Variants in OCA2 observed in about 807,000 individuals in gnomAD.
The protein encoded by OCA2 is OCA2 melanosomal transmembrane protein.
In OCA2, 77 loss-of-function variants were observed where a neutral mutation model predicts 100.2. The ratio of observed to expected loss-of-function variants is 0.77; its 90% confidence interval spans 0.64 to 0.93. The LOEUF (loss-of-function observed/expected upper bound fraction) is 0.93. Among genes scored for constraint, OCA2 ranks in the 40% least tolerant of loss-of-function variants. OCA2 has a pLI of 0.00. For synonymous variants in OCA2, 432 were observed against 439.2 expected, an observed-to-expected ratio of 0.98 and a Z score of 0.21; for missense variants, 1,062 against 1,089.1, an observed-to-expected ratio of 0.98 and a Z score of 0.35.
In OCA2 at chr15:27,844,988, T is replaced by A. The variant is rs1170388631; in HGVS notation, c.2403A>T (p.Gly801=). Reference sequence around the variant, plus strand: ...AAAATTCCATGAAGGAGAACCCATATCCATGCTGTTCTGCAATCCCTGCAC... The same window carrying A: ...AAAATTCCATGAAGGAGAACCCATAACCATGCTGTTCTGCAATCCCTGCAC... ...VVCAGIAEQH[G]YGFSFMEFFR... Residue 801 remains glycine, a synonymous_variant, in exon 23 of 24, where the codon GGA becomes GGT. Transcript: ENST00000354638. The A allele has an allele frequency of 6.2e-7, 1 of 1,613,502 alleles. No individual in the cohort carries two copies. Among genetic ancestry groups the A allele is most frequent in the Admixed American group, 1.7e-5 (1 of 60,026 alleles).
chr15:27,771,011 T>TCC (rs2031789621), intron 23 of OCA2, among the ~76,000 whole-genome samples: 34 of 72,734 alleles, frequency 4.7e-4, no homozygotes, highest in Non-Finnish European at 9.2e-4. Flanking sequence ...TTCCTTCCCT[T>TCC]CTTTTCTTCT....
chr15:28,098,556 C>T (rs2045027296), intron 1 of OCA2, among the ~76,000 whole-genome samples: 1 of 152,050 alleles, frequency 6.6e-6, no homozygotes, highest in Non-Finnish European at 1.5e-5. Flanking sequence ...TAGTGCTCCT[C>T]AAAGTGCACT....
At chr15:27,804,745 T>G (rs2033755476) in intron 23 of OCA2, among the ~76,000 whole-genome samples, 1 of 151,984 alleles carries the variant, frequency 6.6e-6, no homozygotes, top group South Asian at 2.1e-4. Context: ...GGGGCGCCCC[T>G]CCTCCCCTTG....
chr15:27,994,394 G>A (rs2041655518), intron 9 of OCA2, among the ~76,000 whole-genome samples: 1 of 152,152 alleles, frequency 6.6e-6, no homozygotes, highest in African/African-American at 2.4e-5. Flanking sequence ...AAAAGGTTGG[G>A]GACCACTGCC....
At chr15:27,864,748 A>C (rs2036258256) in intron 21 of OCA2, among the ~76,000 whole-genome samples, 1 of 152,156 alleles carries the variant, frequency 6.6e-6, no homozygotes, top group Admixed American at 6.5e-5. Flanking sequence ...TAATCTTTTA[A>C]CTTGAAAGTT....
chr15:27,772,159 T>C (rs2031917464), intron 23 of OCA2, among the ~76,000 whole-genome samples: 1 of 152,228 alleles, frequency 6.6e-6, no homozygotes, highest in Non-Finnish European at 1.5e-5. Context: ...CCTGAACAAC[T>C]AGCCAACCTC....
chr15:27,743,527 C>G, the OCA2 span, among the ~76,000 whole-genome samples: 1 of 152,144 alleles, frequency 6.6e-6, no homozygotes, highest in Non-Finnish European at 1.5e-5. Flanking sequence ...GCCCAGGAAG[C>G]TTATTCCAGA....
At chr15:27,770,924 T>TCCTTTTTCTTCCTTCCTTCCCTCC (rs1233008401) in intron 23 of OCA2, among the ~76,000 whole-genome samples, 5 of 114,252 alleles carry the variant, frequency 4.4e-5, no homozygotes, top group African/African-American at 1.5e-4. Flanking sequence ...CCTCCCTCCC[T>TCCTTTTTCTTCCTTCCTTCCCTCC]CTTTTCCTTT....
chr15:27,964,087 T>C (rs2040488482), intron 15 of OCA2, among the ~76,000 whole-genome samples: 2 of 152,224 alleles, frequency 1.3e-5, no homozygotes, highest in South Asian at 4.1e-4. Context: ...CCTATATGTA[T>C]ATTAAGGGAT....
At chr15:27,909,765 G>A (rs945290856) in intron 19 of OCA2, among the ~76,000 whole-genome samples, 4 of 152,228 alleles carry the variant, frequency 2.6e-5, no homozygotes, top group African/African-American at 9.6e-5. Context: ...AAATGTATTA[G>A]AGATTTAAAT....
At chr15:28,078,403 T>A (rs1014406367) in intron 2 of OCA2, among the ~76,000 whole-genome samples, 3 of 152,204 alleles carry the variant, frequency 2.0e-5, no homozygotes, top group Non-Finnish European at 2.9e-5. Context: ...CTGGACCTAG[T>A]AGTGACTGGC....
At chr15:28,007,522 A>G (rs1595809484) in intron 9 of OCA2, among the ~76,000 whole-genome samples, 1 of 152,282 alleles carries the variant, frequency 6.6e-6, no homozygotes, top group South Asian at 2.1e-4. Context: ...CGAGGTCAGG[A>G]GTTCGAGACC....
At chr15:28,016,224 C>A in intron 7 of OCA2, 38 bp from the exon 8 acceptor site, 1 of 1,479,998 alleles carries the variant, frequency 6.8e-7, no homozygotes, top group Non-Finnish European at 9.5e-7. Flanking sequence ...TGAGGCTTTT[C>A]ACCTGAGACA....
At position 28,043,801 on chromosome 15, in the gene OCA2, T is replaced by C. The variant is rs1046886615; in HGVS notation, c.228-11638A>G. 5.3e-5 allele frequency among the ~76,000 whole-genome samples: 8 copies of C among 152,214 alleles called. No homozygotes were observed. Among genetic ancestry groups the C allele is most frequent in the African/African-American group, 1.9e-4 (8 of 41,472 alleles). ...TTATTGAAGAGATAAATCATTTTTATTGCACAAAGCACAGAAGTATACTCC... is the reference window on the plus strand; with the variant it reads ...TTATTGAAGAGATAAATCATTTTTACTGCACAAAGCACAGAAGTATACTCC... On this transcript the variant is annotated intron_variant, in intron 2 of 23. Coordinates refer to ENST00000354638, the MANE Select transcript of OCA2 (RefSeq NM_000275.3). The surrounding 1 kb of genome is among the most constrained non-coding windows in gnomAD (Gnocchi z 4.4).
At chr15:27,746,545 T>C in the OCA2 span, among the ~76,000 whole-genome samples, 1 of 152,168 alleles carries the variant, frequency 6.6e-6, no homozygotes, top group Non-Finnish European at 1.5e-5. Flanking sequence ...AAACAATCCT[T>C]GTTCCAAAAA....
Position 28,057,322 on chromosome 15 carries a change from C to T in OCA2, c.227+24326G>A, listed in dbSNP as rs141527727. Among the ~76,000 whole-genome samples, 124 of 152,326 alleles carry T rather than the reference C, an allele frequency of 8.1e-4. 1 individual carries two copies. Among genetic ancestry groups the T allele is most frequent in the African/African-American group, 2.8e-3 (116 of 41,574 alleles). ...AACCTACAGGAGCTAGAATCCAATG[C>T]TCATGGAAATCAACTCTATGAAACT... On this transcript the variant is annotated intron_variant, in intron 2 of 23. Coordinates refer to ENST00000354638, the MANE Select transcript of OCA2 (RefSeq NM_000275.3).
At position 27,809,546 on chromosome 15, in the gene OCA2, G is replaced by T. The variant is rs1032909456; in HGVS notation, c.2432+35413C>A. Reference sequence around the variant, plus strand: ...GCAATCAGGCAAGAGAAAGAAAGAAGGGTATCCAAATCAGAAAAGAGAAAG... The same window carrying T: ...GCAATCAGGCAAGAGAAAGAAAGAATGGTATCCAAATCAGAAAAGAGAAAG... On this transcript the variant is annotated intron_variant, in intron 23 of 23. Transcript: ENST00000354638. Among the ~76,000 whole-genome samples the T allele has an allele frequency of 2.4e-4, 37 of 152,254 alleles. 2 individuals are homozygous for T. The highest frequency in any genetic ancestry group is 2.0e-3 in the Admixed American group (31 of 15,294).
the OCA2 span, among the ~76,000 whole-genome samples, chr15:27,734,178 A>T: frequency 2.7e-5 from 4 of 149,610 alleles, no homozygotes; most frequent in African/African-American, 9.8e-5. Flanking sequence ...ATTATATGAG[A>T]GAAGTGGAGC....
chr15:28,040,550 C>A (rs1217737015), intron 2 of OCA2, among the ~76,000 whole-genome samples: 1 of 151,928 alleles, frequency 6.6e-6, no homozygotes, highest in African/African-American at 2.4e-5. Flanking sequence ...ATTAATGAGA[C>A]CAAAAGTTGG....
Sources: allele counts gnomAD v4.1 joint callset (sites outside exome capture counted in the v4.1 genomes callset), GRCh38; gene constraint gnomAD v4.1.1; non-coding constraint Gnocchi (gnomAD v3.1); transcripts MANE v1.5; gene names NCBI Gene and HGNC (gene_info 2026-07-23, HGNC 2026-07-21).